TNR: variants seen among roughly 807,000 people sequenced by gnomAD.
TNR encodes tenascin R, also known as tenascin-R.
In TNR, 45 loss-of-function variants were observed where a neutral mutation model predicts 150.4. The ratio of observed to expected loss-of-function variants is 0.30; its 90% confidence interval spans 0.24 to 0.38. TNR has a LOEUF of 0.38. Ranked by LOEUF, TNR falls within the 10% of genes least tolerant of loss-of-function variation. The probability of loss-of-function intolerance (pLI) is 1.00; values close to 1 mark genes in which losing one functional copy is unlikely to be tolerated. For synonymous variants in TNR, 687 were observed against 678.4 expected (o/e 1.01, Z -0.20); for missense variants, 1,544 against 1,759.1 (o/e 0.88, Z 2.19).
chr1:175,613,528 C>T (rs530516016), intron 1 of TNR, among the ~76,000 whole-genome samples: 81 of 149,418 alleles, frequency 5.4e-4, no homozygotes, highest in African/African-American at 1.9e-3. Context: ...GCTAATCTCA[C>T]TGGCATGATT....
intron 9 of TNR, among the ~76,000 whole-genome samples, chr1:175,371,006 C>G (rs1652075789): frequency 1.3e-5 from 2 of 151,140 alleles, no homozygotes; most frequent in Admixed American, 1.3e-4. Flanking sequence ...TTTTCAGCAG[C>G]TTTCTTCCAT....
intron 2 of TNR, among the ~76,000 whole-genome samples, chr1:175,482,920 G>A (rs59388627): frequency 0.014 from 2,140 of 152,286 alleles, 43 homozygotes; most frequent in African/African-American, 0.049. Flanking sequence ...AACCTCACCT[G>A]GTGGGCGCTC....
rs200700582 is a variant in TNR, at chr1:175,406,316, C to A, written c.399G>T (p.Val133=). Residue 133 remains valine, a synonymous_variant, in exon 3 of 23, where the codon GTG becomes GTT. Coordinates refer to ENST00000367674, the MANE Select transcript of TNR (RefSeq NM_003285.3). ...CGATCCGGCTCAGCAGCTCCTGCAG[C>A]ACCTGGGCTGAACTGGCACATGGAC... ...KACPCASSAQ[V]LQELLSRIEM... is the part of the protein sequence containing the mutation. The A allele has an allele frequency of 6.8e-6, 11 of 1,614,136 alleles. No homozygotes were observed. The Middle Eastern group carries it at 6.6e-4, about 97-fold the overall frequency.
intron 18 of TNR, among the ~76,000 whole-genome samples, chr1:175,352,280 C>T (rs1031530545): frequency 3.9e-5 from 6 of 152,174 alleles, no homozygotes; most frequent in Non-Finnish European, 4.4e-5. Flanking sequence ...GTGGCATCAT[C>T]AGTGTGGGAA....
chr1:175,704,586 G>A (rs951651709), intron 1 of TNR, among the ~76,000 whole-genome samples: 1 of 152,222 alleles, frequency 6.6e-6, no homozygotes, highest in African/African-American at 2.4e-5. Flanking sequence ...CCTTTCTCCA[G>A]TCAACAGCCC....
chr1:175,382,691 G>A (rs1044791608), intron 8 of TNR, among the ~76,000 whole-genome samples: 10 of 152,198 alleles, frequency 6.6e-5, no homozygotes, highest in Non-Finnish European at 1.5e-4. Context: ...CATGAGGTCA[G>A]GAGATCGAGA....
intron 1 of TNR, among the ~76,000 whole-genome samples, chr1:175,688,018 A>G (rs1309432645): frequency 6.6e-6 from 1 of 152,266 alleles, no homozygotes; most frequent in East Asian, 1.9e-4. Flanking sequence ...ATTAAATTAG[A>G]TGGGTCAGAG....
At chr1:175,441,376 G>A (rs1301114569) in intron 2 of TNR, among the ~76,000 whole-genome samples, 1 of 152,100 alleles carries the variant, frequency 6.6e-6, no homozygotes, top group Non-Finnish European at 1.5e-5. Flanking sequence ...AAATATAATA[G>A]ATGAGTGCTT....
chr1:175,412,158 C>T (rs1231225247), intron 2 of TNR, among the ~76,000 whole-genome samples: 1 of 152,118 alleles, frequency 6.6e-6, no homozygotes, highest in African/African-American at 2.4e-5. Flanking sequence ...ACCAAGATTG[C>T]AGTTAATGGG....
intron 2 of TNR, among the ~76,000 whole-genome samples, chr1:175,444,263 G>A (rs190079966): frequency 6.6e-6 from 1 of 152,328 alleles, no homozygotes; most frequent in Admixed American, 6.5e-5. Flanking sequence ...TGCAAGATGA[G>A]GATGGGTTTT....
chr1:175,741,252 G>A (rs913448081), intron 1 of TNR, among the ~76,000 whole-genome samples: 1 of 152,176 alleles, frequency 6.6e-6, no homozygotes, highest in Non-Finnish European at 1.5e-5. Context: ...TTCTGCTTTC[G>A]CTATCCTCTG....
chr1:175,379,492 A>C, intron 9 of TNR, 60 bp downstream of exon 9: 1 of 1,487,362 alleles, frequency 6.7e-7, no homozygotes, highest in Non-Finnish European at 9.2e-7. Context: ...GGTTGGGGAG[A>C]CAGCTGTGAG....
chr1:175,427,759 C>T (rs2102068081), intron 2 of TNR, among the ~76,000 whole-genome samples: 1 of 134,246 alleles, frequency 7.4e-6, no homozygotes, highest in Non-Finnish European at 1.6e-5. Context: ...TCCTTCCCTT[C>T]TTCCCTCCTT....
At chr1:175,620,631 C>T (rs1173515305) in intron 1 of TNR, among the ~76,000 whole-genome samples, 1 of 152,136 alleles carries the variant, frequency 6.6e-6, no homozygotes, top group Non-Finnish European at 1.5e-5. Flanking sequence ...TATGATTGGG[C>T]AGAGCAGTGG....
rs569361756 is a variant in TNR at position 175,686,304 on chromosome 1, A to G, written c.-165+56922T>C. On this transcript the variant is annotated intron_variant, in intron 1 of 22. Coordinates refer to ENST00000367674, the MANE Select transcript of TNR (RefSeq NM_003285.3). ...ACCACCTATCACTCCTGCTTCTTCA[A>G]TCATCTTGGAAAATCTAAAATAGAA... Among the ~76,000 whole-genome samples, 102 of 152,332 alleles carry G rather than the reference A, an allele frequency of 6.7e-4. 1 individual carries two copies. The highest frequency in any genetic ancestry group is 3.4e-3 in the Middle Eastern group (1 of 294).
At chr1:175,701,319 C>A (rs1275935601) in intron 1 of TNR, among the ~76,000 whole-genome samples, 2 of 152,220 alleles carry the variant, frequency 1.3e-5, no homozygotes, top group Admixed American at 6.5e-5. Context: ...GCCCCACCCA[C>A]CACTTCTTCT....
intron 1 of TNR, among the ~76,000 whole-genome samples, chr1:175,737,165 C>A (rs924562541): frequency 6.6e-6 from 1 of 152,222 alleles, no homozygotes; most frequent in African/African-American, 2.4e-5. Flanking sequence ...CCTCTCTGAA[C>A]CCCTCAAGAG....
At chr1:175,689,733 G>A (rs1475462471) in intron 1 of TNR, among the ~76,000 whole-genome samples, 1 of 152,178 alleles carries the variant, frequency 6.6e-6, no homozygotes, top group African/African-American at 2.4e-5. Context: ...GCCAACAGCA[G>A]CATTATAACA....
chr1:175,468,843 T>C lies in TNR; in HGVS notation c.-64+59426A>G, dbSNP rs192112806. Among the ~76,000 whole-genome samples the C allele has an allele frequency of 2.0e-5, 3 of 152,042 alleles. No homozygotes were observed. The East Asian group carries it at 5.8e-4, about 29-fold the overall frequency. ...AGGATGGGGACTTTTCTTTCAGTAG[T>C]AAAAGAGAATTTCTGAAGGGCTCTC... On this transcript the variant is annotated intron_variant, in intron 2 of 22. Transcript: ENST00000367674.
Sources: allele counts gnomAD v4.1 joint callset (sites outside exome capture counted in the v4.1 genomes callset), GRCh38; gene constraint gnomAD v4.1.1; transcripts MANE v1.5; gene names NCBI Gene and HGNC (gene_info 2026-07-23, HGNC 2026-07-21).